Variants in ATP10B observed in about 807,000 individuals in gnomAD.
ATP10B encodes phospholipid-transporting ATPase VB.
Under a neutral mutation model 141.2 loss-of-function variants are expected in ATP10B, and 122 were observed. That is an observed-to-expected ratio of 0.86 (90% CI 0.75 to 1.00). The LOEUF is 1.00. ATP10B is among the 50% of genes least tolerant of loss of function. ATP10B has a pLI of 0.00. For synonymous variants in ATP10B, 685 were observed against 692.0 expected, an observed-to-expected ratio of 0.99 and a Z score of 0.16; for missense variants, 1,876 against 1,825.3, an observed-to-expected ratio of 1.03 and a Z score of -0.51.
At chr5:160,578,618 G>A (rs562775429) in intron 24 of ATP10B, among the ~76,000 whole-genome samples, 104 of 152,248 alleles carry the variant, frequency 6.8e-4, no homozygotes, top group African/African-American at 2.4e-3. Flanking sequence ...TTGGTTCCAA[G>A]TCTTTGCTAT....
At chr5:160,742,506 C>T (rs1190257187) in intron 2 of ATP10B, among the ~76,000 whole-genome samples, 2 of 152,160 alleles carry the variant, frequency 1.3e-5, no homozygotes, top group Admixed American at 1.3e-4. Flanking sequence ...GATAAAGAGA[C>T]AATAGCTATT....
Position 160,688,870 on chromosome 5 carries a change from C to A in ATP10B, c.-131G>T. On this transcript the variant is annotated 5_prime_UTR_variant, in exon 4 of 26. Transcript: ENST00000327245. Reference sequence around the variant, plus strand: ...GCTGTGCTACTGTCCAGTCAGCTGGCTTTTCTTAATCTAGATGGCTGGAGT... The same window carrying A: ...GCTGTGCTACTGTCCAGTCAGCTGGATTTTCTTAATCTAGATGGCTGGAGT... The A allele has an allele frequency of 1.0e-6, 1 of 985,410 alleles. No individual in the cohort carries two copies. Among genetic ancestry groups the A allele is most frequent in the South Asian group, 4.7e-5 (1 of 21,278 alleles). 61.0% of individuals were successfully genotyped at this position (985,410 alleles called of 1,614,324 possible).
chr5:160,812,654 A>G (rs1009162493), intron 1 of ATP10B, among the ~76,000 whole-genome samples: 2 of 152,198 alleles, frequency 1.3e-5, no homozygotes, highest in African/African-American at 2.4e-5. Flanking sequence ...TTGATCAGGC[A>G]AAAGAAAGAA....
In ATP10B at chr5:160,670,560, GA is replaced by G; in HGVS notation, c.577del (p.Ser193ProfsTer27). ...IVPADILLLF[S>X]SDPNGICHLE... ...ATGGCATATCCCATTGGGGTCAGAG[GA>G]AAAAAGGAGGAGTATGTCTGCTGGG... On this transcript the variant is annotated frameshift_variant, in exon 7 of 26. Transcript: ENST00000327245. LOFTEE classifies it high-confidence loss of function. 6.2e-7 allele frequency: 1 copy of G among 1,613,878 alleles called. No individual in the cohort carries two copies. The highest frequency in any genetic ancestry group is 8.5e-7 in the Non-Finnish European group (1 of 1,179,906).
At chr5:160,844,638 C>T (rs747107881) in intron 1 of ATP10B, among the ~76,000 whole-genome samples, 5 of 152,090 alleles carry the variant, frequency 3.3e-5, no homozygotes, top group South Asian at 2.1e-4. Flanking sequence ...GTCCACCTCC[C>T]GGGTTCAAGT....
chr5:160,825,013 A>G (rs560055280), intron 1 of ATP10B, among the ~76,000 whole-genome samples: 1 of 152,192 alleles, frequency 6.6e-6, no homozygotes, highest in Admixed American at 6.5e-5. Context: ...GCTTTGCATT[A>G]AAGTTAACCA....
At chr5:160,575,442 A>G (rs1422990162) in intron 24 of ATP10B, among the ~76,000 whole-genome samples, 5 of 152,188 alleles carry the variant, frequency 3.3e-5, no homozygotes, top group South Asian at 2.1e-4. Context: ...TTGTTTAAAG[A>G]AAGAATAATG....
At chr5:160,602,318 C>T (rs894571464) in intron 21 of ATP10B, among the ~76,000 whole-genome samples, 3 of 152,226 alleles carry the variant, frequency 2.0e-5, no homozygotes, top group Non-Finnish European at 4.4e-5. Context: ...TCTACACTTG[C>T]AGCTATTCAT....
In ATP10B at chr5:160,674,552, CTT is replaced by C. The variant is rs1762910635; in HGVS notation, c.471-3887_471-3886del. On this transcript the variant is annotated intron_variant, in intron 6 of 25. Coordinates refer to ENST00000327245, the MANE Select transcript of ATP10B (RefSeq NM_025153.3). ...TGCTCTACTGGTTATAATTGCCTGT[CTT>C]TTCTTTAGACATAATCCTCTCTTCC... Among the ~76,000 whole-genome samples the C allele has an allele frequency of 2.0e-5, 3 of 152,294 alleles. No individual in the cohort carries two copies. The South Asian group carries it at 6.2e-4, about 32-fold the overall frequency.
intron 7 of ATP10B, among the ~76,000 whole-genome samples, chr5:160,649,753 A>G (rs1414150816): frequency 1.3e-5 from 2 of 152,240 alleles, no homozygotes; most frequent in African/African-American, 4.8e-5. Context: ...AGAAGGCATT[A>G]TAAATCACAC....
At chr5:160,824,777 T>C (rs1280219335) in intron 1 of ATP10B, among the ~76,000 whole-genome samples, 1 of 152,154 alleles carries the variant, frequency 6.6e-6, no homozygotes, top group Non-Finnish European at 1.5e-5. Context: ...AATCTTTCAT[T>C]GACTGAAACA....
At chr5:160,762,204 G>A (rs187367734) in intron 2 of ATP10B, among the ~76,000 whole-genome samples, 5 of 152,288 alleles carry the variant, frequency 3.3e-5, no homozygotes, top group African/African-American at 1.2e-4. Flanking sequence ...CCAAATACAA[G>A]AAGCTCAATG....
At chr5:160,568,601 T>C (rs1215929491) in intron 25 of ATP10B, among the ~76,000 whole-genome samples, 1 of 152,204 alleles carries the variant, frequency 6.6e-6, no homozygotes, top group Non-Finnish European at 1.5e-5. Flanking sequence ...AATAGAACAC[T>C]GGCCTTTGAG....
intron 3 of ATP10B, among the ~76,000 whole-genome samples, chr5:160,706,393 ATAAT>A (rs1765014541): frequency 6.6e-6 from 1 of 152,250 alleles, no homozygotes; most frequent in Non-Finnish European, 1.5e-5. Context: ...GTGTTATTAT[ATAAT>A]TAATATGGAT....
chr5:160,837,293 G>C (rs1368157598), intron 1 of ATP10B, among the ~76,000 whole-genome samples: 1 of 152,124 alleles, frequency 6.6e-6, no homozygotes, highest in African/African-American at 2.4e-5. Context: ...ATATCATACA[G>C]AAAATTTAGC....
the ATP10B span, among the ~76,000 whole-genome samples, chr5:160,896,841 A>G: frequency 6.6e-6 from 1 of 152,196 alleles, no homozygotes; most frequent in Middle Eastern, 3.2e-3. Flanking sequence ...AAGCTTATTC[A>G]CCACGATCAA....
intron 2 of ATP10B, among the ~76,000 whole-genome samples, chr5:160,733,499 A>G (rs1464371740): frequency 6.6e-6 from 1 of 152,162 alleles, no homozygotes; most frequent in African/African-American, 2.4e-5. Flanking sequence ...AGCCATAGGC[A>G]CATAGATGTG....
At chr5:160,838,328 TAA>T (rs1775591525) in intron 1 of ATP10B, among the ~76,000 whole-genome samples, 1 of 152,162 alleles carries the variant, frequency 6.6e-6, no homozygotes, top group Non-Finnish European at 1.5e-5. Context: ...CATGTAGATG[TAA>T]CTTTCAAATT....
chr5:160,819,312 A>G (rs1421510214), intron 1 of ATP10B, among the ~76,000 whole-genome samples: 4 of 152,168 alleles, frequency 2.6e-5, no homozygotes, highest in African/African-American at 9.7e-5. Flanking sequence ...ATTATCCTAG[A>G]GTAGTATATC....
Sources: gnomAD v4.1 joint callset for allele counts (sites outside exome capture counted in the v4.1 genomes callset) on GRCh38, gnomAD v4.1.1 for gene constraint, MANE v1.5 for transcripts, NCBI Gene and HGNC (gene_info 2026-07-23, HGNC 2026-07-21) for gene names.